The following KAZN variants were observed in gnomAD, a reference collection of about 807,000 sequenced individuals.
The protein encoded by KAZN is kazrin, periplakin interacting protein.
KAZN carries 40 observed loss-of-function variants against 87.4 expected under a neutral mutation model. The ratio of observed to expected loss-of-function variants is 0.46; its 90% CI spans 0.36 to 0.60. KAZN has a LOEUF of 0.60. Ranked by LOEUF, KAZN falls within the 20% of genes least tolerant of loss-of-function variation. The pLI is 0.00. For synonymous variants in KAZN, 466 were observed against 458.3 expected, an observed-to-expected ratio of 1.02 and a Z score of -0.22; for missense variants, 898 against 1,073.9, an observed-to-expected ratio of 0.84 and a Z score of 2.29.
intron 2 of KAZN, among the ~76,000 whole-genome samples, chr1:14,372,017 T>G (rs976179480): frequency 2.0e-5 from 3 of 152,228 alleles, no homozygotes; most frequent in African/African-American, 7.2e-5. Flanking sequence ...GTCATGTGAA[T>G]AGTCGTCATC....
chr1:14,164,904 T>C (rs1230408702), intron 1 of KAZN, among the ~76,000 whole-genome samples: 5 of 152,164 alleles, frequency 3.3e-5, no homozygotes, highest in Non-Finnish European at 7.3e-5. Flanking sequence ...ATATTCATTG[T>C]AATTTGGGGG....
At chr1:14,714,629 T>A (rs927821823) in intron 1 of KAZN, among the ~76,000 whole-genome samples, 4 of 152,020 alleles carry the variant, frequency 2.6e-5, no homozygotes, top group Non-Finnish European at 4.4e-5. Flanking sequence ...GCTGTCATGG[T>A]CCTTAAGGAA....
chr1:14,483,451 T>C (rs118042764), intron 2 of KAZN, among the ~76,000 whole-genome samples: 1,647 of 152,330 alleles, frequency 0.011, 66 homozygotes, highest in East Asian at 0.086. Context: ...GCAGCTTGTT[T>C]GCAGAAGATA....
At position 15,094,808 on chromosome 1, in the gene KAZN, G is replaced by T. The variant is rs377586270; in HGVS notation, c.1429-7G>T. Reference sequence around the variant, plus strand: ...AGCCCCCATATGACACTCCCTCCCGGGGGCAGGTGCTGCTGAGCCTGAGTG... The same window carrying T: ...AGCCCCCATATGACACTCCCTCCCGTGGGCAGGTGCTGCTGAGCCTGAGTG... On this transcript the variant is annotated splice_polypyrimidine_tract_variant and splice_region_variant and intron_variant, in intron 9 of 14. Coordinates refer to ENST00000376030, the MANE Select transcript of KAZN (RefSeq NM_201628.3). This position sits in a 1 kb window ranked among gnomAD's most constrained non-coding sequence, Gnocchi z 4.5. 1.1e-5 allele frequency: 17 copies of T among 1,545,376 alleles called. No individual in the cohort carries two copies. The highest frequency in any genetic ancestry group is 1.4e-5 in the Non-Finnish European group (16 of 1,142,794).
At chr1:15,044,214 G>A in intron 4 of KAZN, 55 bp downstream of exon 4, 2 of 1,486,770 alleles carry the variant, frequency 1.3e-6, no homozygotes, top group Non-Finnish European at 1.8e-6. Flanking sequence ...TGCCGTGCTG[G>A]GAGCCGGGAC....
chr1:14,225,237 A>G (rs1647220085), intron 2 of KAZN, among the ~76,000 whole-genome samples: 1 of 152,188 alleles, frequency 6.6e-6, no homozygotes, highest in African/African-American at 2.4e-5. Context: ...AATGAGCCAC[A>G]TTTCTATACA....
intron 1 of KAZN, among the ~76,000 whole-genome samples, chr1:14,731,949 G>T (rs189422731): frequency 6.6e-6 from 1 of 152,376 alleles, no homozygotes; most frequent in Admixed American, 6.5e-5. Context: ...AGAAGCGACA[G>T]ACTTGCTGGC....
intron 2 of KAZN, among the ~76,000 whole-genome samples, chr1:14,515,648 G>T (rs2148455804): frequency 6.6e-6 from 1 of 152,180 alleles, no homozygotes; most frequent in Middle Eastern, 3.4e-3. Flanking sequence ...GCTGCCTTAG[G>T]GGCTTTCCCT....
intron 1 of KAZN, among the ~76,000 whole-genome samples, chr1:14,861,966 G>A (rs1650906324): frequency 2.6e-5 from 4 of 152,210 alleles, no homozygotes; most frequent in African/African-American, 9.7e-5. Flanking sequence ...CCAAGCTCTA[G>A]CTGCATGTAG....
intron 2 of KAZN, among the ~76,000 whole-genome samples, chr1:14,567,165 T>C (rs1475517935): frequency 6.6e-6 from 1 of 152,130 alleles, no homozygotes; most frequent in African/African-American, 2.4e-5. Flanking sequence ...GTTGAACCCT[T>C]AGAGGTCATT....
chr1:14,226,849 G>A (rs1198654355), intron 2 of KAZN, among the ~76,000 whole-genome samples: 6 of 82,046 alleles, frequency 7.3e-5, no homozygotes, highest in African/African-American at 3.1e-4. Context: ...TAAACATCGT[G>A]TACGCATGGA....
intron 1 of KAZN, among the ~76,000 whole-genome samples, chr1:14,610,192 C>CTGTTTGTT (rs59330567): frequency 7.5e-4 from 113 of 151,316 alleles, no homozygotes; most frequent in African/African-American, 1.9e-3. Context: ...TTCCAATGAC[C>CTGTTTGTT]TGTTTGTTTG....
chr1:14,245,047 A>G (rs973569208), intron 2 of KAZN, among the ~76,000 whole-genome samples: 13 of 151,402 alleles, frequency 8.6e-5, no homozygotes, highest in African/African-American at 3.2e-4. Context: ...TACTGCCTCC[A>G]CCTCCCAGCT....
Position 15,103,380 on chromosome 1 carries a change from C to G in KAZN, c.1801C>G (p.Arg601Gly), listed in dbSNP as rs138142347. Residue 601 changes from arginine (R) to glycine (G), a missense_variant, in exon 12 of 15, where the codon CGC (arginine) becomes GGC (glycine). This residue lies in a region of KAZN where 521 missense variants were observed against 689.4 expected (regional missense o/e 0.76). Transcript: ENST00000376030. The part of the protein sequence containing the change: ...SREALQERRA[R>G]CETQNIDPVV... ...CAAGGCCCTCCAGGAGCGCCGGGCC[C>G]GCTGCGAGACGCAGAACATTGACCC... is the stretch of plus-strand genomic sequence containing the variant. 1 of 1,551,770 alleles carries G rather than the reference C, an allele frequency of 6.4e-7. No individual in the cohort carries two copies. The highest frequency in any genetic ancestry group is 2.4e-5 in the East Asian group (1 of 40,922).
At chr1:14,419,357 G>A (rs770729463) in intron 2 of KAZN, among the ~76,000 whole-genome samples, 35 of 152,098 alleles carry the variant, frequency 2.3e-4, no homozygotes, top group African/African-American at 7.0e-4. Flanking sequence ...CACCCTGCCC[G>A]GCCATCCCCA....
chr1:14,801,686 T>C (rs373746671), intron 1 of KAZN, among the ~76,000 whole-genome samples: 1 of 141,164 alleles, frequency 7.1e-6, no homozygotes, highest in Non-Finnish European at 1.5e-5. Context: ...TTTTTTTTGT[T>C]TTTTTGTTTT....
At chr1:14,652,695 ACCTAT>A (rs1226576582) in intron 1 of KAZN, among the ~76,000 whole-genome samples, 2 of 82,592 alleles carry the variant, frequency 2.4e-5, no homozygotes, top group Non-Finnish European at 4.5e-5. Flanking sequence ...CCATCCATCT[ACCTAT>A]CCATGCACCC....
chr1:14,167,527 A>T (rs1370560596), intron 1 of KAZN, among the ~76,000 whole-genome samples: 2 of 152,154 alleles, frequency 1.3e-5, no homozygotes, highest in East Asian at 3.9e-4. Flanking sequence ...GTTCGAGACC[A>T]GCCTGGCCAA....
intron 1 of KAZN, among the ~76,000 whole-genome samples, chr1:14,100,043 G>A (rs1309490297): frequency 6.6e-6 from 1 of 152,066 alleles, no homozygotes; most frequent in Non-Finnish European, 1.5e-5. Flanking sequence ...GGCCATGAAA[G>A]TTGCATCTGC....
Sources: gnomAD v4.1 joint callset for allele counts (sites outside exome capture counted in the v4.1 genomes callset) on GRCh38, gnomAD v4.1.1 for gene constraint, gnomAD v4.1.1 regional missense constraint, Gnocchi (gnomAD v3.1) non-coding constraint, MANE v1.5 for transcripts, NCBI Gene and HGNC (gene_info 2026-07-23, HGNC 2026-07-21) for gene names.